Variants in UBE2E2 observed in about 807,000 individuals in gnomAD.
UBE2E2 encodes the protein ubiquitin-conjugating enzyme E2 E2.
A neutral mutation model predicts 24.7 loss-of-function variants in UBE2E2; 6 were observed. That is an observed-to-expected ratio of 0.24 (90% CI 0.13 to 0.48). The LOEUF (loss-of-function observed/expected upper bound fraction) is 0.48, where lower values mean the gene tolerates loss of function less well. UBE2E2 is among the 20% of genes least tolerant of loss of function. UBE2E2 has a pLI of 0.99. For missense variants in UBE2E2, 169 were observed against 245.0 expected (o/e 0.69, Z 2.07); for synonymous variants, 104 against 83.6 (o/e 1.24, Z -1.33).
chr3:23,257,993 TA>T (rs1480708544), intron 3 of UBE2E2, among the ~76,000 whole-genome samples: 1 of 152,006 alleles, frequency 6.6e-6, no homozygotes, highest in Non-Finnish European at 1.5e-5. Flanking sequence ...GGAAATGGAT[TA>T]AAAAAAGGTT....
At chr3:23,467,502 A>G (rs1217792040) in intron 3 of UBE2E2, among the ~76,000 whole-genome samples, 2 of 152,218 alleles carry the variant, frequency 1.3e-5, no homozygotes, top group African/African-American at 2.4e-5. Context: ...TCAGTTACAC[A>G]AACTGAACAT....
At chr3:23,396,343 A>G (rs1212156666) in intron 3 of UBE2E2, among the ~76,000 whole-genome samples, 1 of 147,434 alleles carries the variant, frequency 6.8e-6, no homozygotes, top group Non-Finnish European at 1.5e-5. Flanking sequence ...ATATATATAT[A>G]TAGCATTTTA....
intron 3 of UBE2E2, among the ~76,000 whole-genome samples, chr3:23,264,179 AG>A (rs1242541909): frequency 6.6e-6 from 1 of 152,110 alleles, no homozygotes; most frequent in African/African-American, 2.4e-5. Flanking sequence ...TGCAAACCCT[AG>A]GAAGTCTTAC....
At chr3:23,377,913 G>A (rs1696561977) in intron 3 of UBE2E2, among the ~76,000 whole-genome samples, 1 of 152,068 alleles carries the variant, frequency 6.6e-6, no homozygotes, top group Non-Finnish European at 1.5e-5. Context: ...ATTGCCAAAT[G>A]AAAGCCTGTT....
chr3:23,581,588 A>G (rs1423732747), intron 5 of UBE2E2, among the ~76,000 whole-genome samples: 1 of 152,218 alleles, frequency 6.6e-6, no homozygotes, highest in Non-Finnish European at 1.5e-5. Context: ...CAGTTGAGGA[A>G]ACTGAGGCAC....
At chr3:23,550,916 T>G (rs1454067992) in intron 5 of UBE2E2, among the ~76,000 whole-genome samples, 1 of 152,070 alleles carries the variant, frequency 6.6e-6, no homozygotes, top group Admixed American at 6.6e-5. Context: ...TGAAGAGAGA[T>G]CCCCTTGAGC....
rs533954829 is a variant in UBE2E2, at chr3:23,512,986, A to G, written c.360+13246A>G. Among the ~76,000 whole-genome samples, 4 of 152,280 alleles carry G rather than the reference A, an allele frequency of 2.6e-5. No individual in the cohort carries two copies. The South Asian group carries it at 6.2e-4, about 24-fold the overall frequency. On this transcript the variant is annotated intron_variant, in intron 4 of 5. Transcript: ENST00000396703. The stretch of plus-strand genomic sequence containing the variant: ...CTTAAAATATCTGTACATGTACAGT[A>G]TACTATATATACTGTGTATTTATGT...
In UBE2E2 at chr3:23,225,030, A is replaced by G. The variant is rs901723238; in HGVS notation, c.227+7718A>G. On this transcript the variant is annotated intron_variant, in intron 3 of 5. Coordinates refer to ENST00000396703, the MANE Select transcript of UBE2E2 (RefSeq NM_152653.4). ...GTATTTTGTTGTGGTATTGATTTGC[A>G]TTATTCTGATGGATGATGGATGAGC... 4.1e-5 allele frequency among the ~76,000 whole-genome samples: 6 copies of G among 145,908 alleles called. No homozygotes were observed. In the South Asian group the frequency reaches 6.4e-4, roughly 15 times the overall value.
At chr3:23,491,473 G>T (rs140310933) in intron 3 of UBE2E2, among the ~76,000 whole-genome samples, 11 of 152,302 alleles carry the variant, frequency 7.2e-5, no homozygotes, top group African/African-American at 2.4e-4. Flanking sequence ...GATCAGAAAG[G>T]TTGCAGCCAA....
At chr3:23,423,431 C>T (rs563934346) in intron 3 of UBE2E2, among the ~76,000 whole-genome samples, 1 of 152,222 alleles carries the variant, frequency 6.6e-6, no homozygotes, top group East Asian at 1.9e-4. Flanking sequence ...ACTCAGTATA[C>T]ATAACTTTTT....
chr3:23,226,389 A>G (rs2085356128), intron 3 of UBE2E2, among the ~76,000 whole-genome samples: 1 of 152,212 alleles, frequency 6.6e-6, no homozygotes, highest in South Asian at 2.1e-4. Context: ...ATATTTGTAC[A>G]GCAGTTTTTA....
intron 3 of UBE2E2, among the ~76,000 whole-genome samples, chr3:23,362,900 G>A (rs942969253): frequency 6.7e-5 from 10 of 148,982 alleles, no homozygotes; most frequent in Non-Finnish European, 1.0e-4. Flanking sequence ...AGAAGGGGTA[G>A]GTCACCTACA....
intron 3 of UBE2E2, among the ~76,000 whole-genome samples, chr3:23,284,340 C>T (rs1225035930): frequency 1.3e-5 from 2 of 151,768 alleles, no homozygotes; most frequent in Non-Finnish European, 2.9e-5. Flanking sequence ...CTCTTTTTGG[C>T]CTTATTTGAG....
At chr3:23,223,182 G>A (rs977579685) in intron 3 of UBE2E2, among the ~76,000 whole-genome samples, 1 of 149,078 alleles carries the variant, frequency 6.7e-6, no homozygotes, top group East Asian at 2.0e-4. Context: ...ACCATGCTCA[G>A]CTGATTTTTG....
chr3:23,470,836 G>C (rs1344618478), intron 3 of UBE2E2, among the ~76,000 whole-genome samples: 3 of 150,910 alleles, frequency 2.0e-5, no homozygotes, highest in South Asian at 4.2e-4. Flanking sequence ...TTTTTTGCGT[G>C]AACTCCACTT....
intron 5 of UBE2E2, among the ~76,000 whole-genome samples, chr3:23,569,526 A>G (rs1453737118): frequency 6.6e-6 from 1 of 152,174 alleles, no homozygotes; most frequent in East Asian, 1.9e-4. Context: ...AGCTTCCAAT[A>G]TCTTGGCATC....
At chr3:23,319,642 G>A (rs999633435) in intron 3 of UBE2E2, among the ~76,000 whole-genome samples, 7 of 151,266 alleles carry the variant, frequency 4.6e-5, no homozygotes, top group Admixed American at 1.3e-4. Context: ...GTGAAATCCC[G>A]TCTCTACTAA....
chr3:23,465,477 C>G (rs1698901756), intron 3 of UBE2E2, among the ~76,000 whole-genome samples: 1 of 152,194 alleles, frequency 6.6e-6, no homozygotes, highest in Non-Finnish European at 1.5e-5. Context: ...GACCAATAGC[C>G]TTTGCTAATT....
rs201658446 is a variant in UBE2E2 at position 23,388,769 on chromosome 3, G to A, written c.228-110839G>A. 4.6e-5 allele frequency among the ~76,000 whole-genome samples: 7 copies of A among 152,100 alleles called. No individual in the cohort carries two copies. The East Asian group carries it at 1.4e-3, about 29-fold the overall frequency. ...CGCCTGTAATCCCAGTACTTTAGGAGGCCAAGGCAGGCGGATCATGAGGTC... is the reference window on the plus strand; with the variant it reads ...CGCCTGTAATCCCAGTACTTTAGGAAGCCAAGGCAGGCGGATCATGAGGTC... On this transcript the variant is annotated intron_variant, in intron 3 of 5. Coordinates refer to ENST00000396703, the MANE Select transcript of UBE2E2 (RefSeq NM_152653.4).
Sources: gnomAD v4.1 joint callset for allele counts (sites outside exome capture counted in the v4.1 genomes callset) on GRCh38, gnomAD v4.1.1 for gene constraint, MANE v1.5 for transcripts, NCBI Gene and HGNC (gene_info 2026-07-23, HGNC 2026-07-21) for gene names.